The following WDR45 variants were observed in gnomAD, a reference collection of about 807,000 sequenced individuals.
The protein encoded by WDR45 is WD repeat domain phosphoinositide-interacting protein 4.
WDR45 carries 2 observed loss-of-function variants against 27.3 expected under a neutral mutation model. The ratio of observed to expected loss-of-function variants is 0.07; its 90% CI spans 0.03 to 0.23. WDR45 has a LOEUF of 0.23. Among genes scored for constraint, WDR45 ranks in the 10% least tolerant of loss-of-function variants. The probability of loss-of-function intolerance (pLI) is 1.00; values close to 1 mark genes in which losing one functional copy is unlikely to be tolerated. For synonymous variants in WDR45, 99 were observed against 119.2 expected (o/e 0.83, Z 1.11); for missense variants, 175 against 311.9 (o/e 0.56, Z 3.31).
intron 6 of WDR45, 83 bp from the exon 7 acceptor site, chrX:49,076,028 A>C (rs782649446): frequency 9.8e-6 from 8 of 817,410 alleles, no homozygotes; most frequent in Non-Finnish European, 1.3e-5. Context: ...TGAGGACCAG[A>C]CTTCAACCCT....
intron 2 of WDR45, among the ~76,000 whole-genome samples, chrX:49,092,575 G>A (rs1279625574): frequency 9.0e-6 from 1 of 111,479 alleles, no homozygotes; most frequent in Non-Finnish European, 1.9e-5. Flanking sequence ...GTTAGACTCT[G>A]CACACCTTCC....
At chrX:49,100,869 T>C (rs2147832703) in intron 1 of WDR45, 1 of 112,952 alleles carries the variant, frequency 8.9e-6, no homozygotes, top group African/African-American at 3.2e-5. Flanking sequence ...ACACCCGCTG[T>C]GCCCGTCCTA....
At chrX:49,093,222 T>C (rs1408271190) in intron 2 of WDR45, among the ~76,000 whole-genome samples, 1 of 111,775 alleles carries the variant, frequency 8.9e-6, no homozygotes, top group African/African-American at 3.2e-5. Flanking sequence ...ATTATGTTTT[T>C]AAGCTGGATA....
intron 1 of WDR45, 34 bp from the exon 2 acceptor site, chrX:49,078,146 C>G: frequency 8.7e-7 from 1 of 1,148,681 alleles, no homozygotes; most frequent in Non-Finnish European, 1.2e-6. Context: ...GAGAAGAGTC[C>G]TGGAATCTCC....
intron 2 of WDR45, among the ~76,000 whole-genome samples, chrX:49,088,166 G>T (rs1335575030): frequency 5.4e-5 from 6 of 111,753 alleles, no homozygotes; most frequent in Non-Finnish European, 7.5e-5. Flanking sequence ...CACTTTCGGA[G>T]GGTGAGGCGG....
At chrX:49,087,751 G>A (rs782324759) in intron 2 of WDR45, among the ~76,000 whole-genome samples, 8 of 111,901 alleles carry the variant, frequency 7.1e-5, no homozygotes, top group African/African-American at 2.3e-4. Context: ...GGTGGCTCAC[G>A]CCTGTAATCT....
At chrX:49,078,662 C>T (rs782170381) in intron 1 of WDR45, among the ~76,000 whole-genome samples, 3 of 112,434 alleles carry the variant, frequency 2.7e-5, no homozygotes, top group African/African-American at 9.7e-5. Flanking sequence ...CCCACACCTC[C>T]TCTTTACATG....
chrX:49,076,198 C>T, intron 6 of WDR45: 2 of 469,580 alleles, frequency 4.3e-6, no homozygotes, highest in Non-Finnish European at 7.4e-6. Context: ...CACCCATGTC[C>T]TCACGAGGTG....
chrX:49,091,214 G>T (rs941477443), intron 2 of WDR45, among the ~76,000 whole-genome samples: 9 of 110,665 alleles, frequency 8.1e-5, no homozygotes, highest in South Asian at 3.8e-4. Context: ...GCTGAGGCGG[G>T]TGGATCACTT....
intron 2 of WDR45, among the ~76,000 whole-genome samples, chrX:49,095,489 C>T (rs782048420): frequency 9.2e-6 from 1 of 109,282 alleles, no homozygotes; most frequent in South Asian, 3.9e-4. Flanking sequence ...GAGATGGAGT[C>T]TTGCTCTGTT....
At chrX:49,084,608 C>G (rs1416402399), upstream of WDR45, among the ~76,000 whole-genome samples, 3 of 102,053 alleles carry the variant, frequency 2.9e-5, no homozygotes, top group Non-Finnish European at 4.0e-5. Flanking sequence ...CTTTGCCCCC[C>G]ACAAAAAAAC....
Position 49,075,674 on chromosome X carries a change from G to C in WDR45, c.596C>G (p.Ser199Cys). The change falls in exon 8 of 11, where the codon TCT becomes TGT. Residue 199 changes from serine to cysteine, a missense_variant. Around this residue, in one of 3 missense-constraint regions of WDR45, gnomAD observed 2 missense variants for 23.6 expected, o/e 0.08. Transcript: ENST00000376372. ...NAHQSDIACV[S>C]LNQPGTVVAS... is the part of the protein sequence containing the mutation. ...CACTACAGTGCCTGGCTGGTTTAGA[G>C]ACACACAGGCTATGTCACTCTGATG... 7.4e-6 allele frequency: 9 copies of C among 1,211,574 alleles called. No individual in the cohort carries two copies. The highest frequency in any genetic ancestry group is 1.0e-5 in the Non-Finnish European group (9 of 895,415).
upstream of WDR45, among the ~76,000 whole-genome samples, chrX:49,082,366 C>T (rs1312122522): frequency 9.0e-6 from 1 of 111,253 alleles, no homozygotes; most frequent in Non-Finnish European, 1.9e-5. Flanking sequence ...CAGCCCTTCC[C>T]CAACTGATGG....
At chrX:49,082,578 G>A (rs1213558424), upstream of WDR45, among the ~76,000 whole-genome samples, 2 of 111,653 alleles carry the variant, frequency 1.8e-5, no homozygotes, top group Non-Finnish European at 3.8e-5. Context: ...TCACTCCTGT[G>A]TCTTTGGGAC....
intron 4 of WDR45, chrX:49,077,386 A>C (rs960435984): frequency 9.4e-6 from 4 of 423,409 alleles, no homozygotes; most frequent in African/African-American, 2.5e-5. Flanking sequence ...AATAAACGTA[A>C]AGTGCTTAGG....
intron 2 of WDR45, among the ~76,000 whole-genome samples, chrX:49,088,406 TCAA>T (rs1207203938): frequency 1.8e-5 from 2 of 111,114 alleles, no homozygotes; most frequent in African/African-American, 3.3e-5. Context: ...AAACTCCGTC[TCAA>T]CAACAACAAC....
upstream of WDR45, chrX:49,079,917 C>A (rs781977694): frequency 1.8e-5 from 2 of 113,201 alleles, no homozygotes; most frequent in African/African-American, 6.4e-5. Flanking sequence ...GGGGAGGGAG[C>A]CTGTCGCAGG....
chrX:49,084,269 C>T (rs1403502585), upstream of WDR45, among the ~76,000 whole-genome samples: 1 of 108,002 alleles, frequency 9.3e-6, no homozygotes, highest in African/African-American at 3.3e-5. Context: ...AGGCTGGTCT[C>T]GAACTCCTGA....
chrX:49,076,603 T>TG (rs1227069194), intron 5 of WDR45, 42 bp downstream of exon 5: 6 of 1,200,585 alleles, frequency 5.0e-6, no homozygotes, highest in Non-Finnish European at 6.8e-6. Flanking sequence ...TCACTTACTG[T>TG]GGGGACCTCC....
Sources: gnomAD v4.1 joint callset for allele counts (sites outside exome capture counted in the v4.1 genomes callset) on GRCh38, gnomAD v4.1.1 for gene constraint, gnomAD v4.1.1 regional missense constraint, MANE v1.5 for transcripts, NCBI Gene and HGNC (gene_info 2026-07-23, HGNC 2026-07-21) for gene names.